Variants in CEP83 observed in about 807,000 individuals in gnomAD.
CEP83 encodes the protein centrosomal protein 83.
Under a neutral mutation model 101.9 loss-of-function variants are expected in CEP83, and 70 were observed. The observed-to-expected ratio is 0.69, with a 90% confidence interval of 0.57 to 0.84. CEP83 has a LOEUF of 0.84. Ranked by LOEUF, CEP83 falls within the 40% of genes least tolerant of loss-of-function variation. The pLI is 0.00. For synonymous variants in CEP83, 264 were observed against 267.9 expected (o/e 0.99, Z 0.14); for missense variants, 715 against 787.2 (o/e 0.91, Z 1.10).
intron 8 of CEP83, among the ~76,000 whole-genome samples, chr12:94,371,367 T>C (rs1006766655): frequency 6.6e-6 from 1 of 152,154 alleles, no homozygotes; most frequent in East Asian, 1.9e-4. Context: ...GTATAGACTG[T>C]GTCTGTGTGC....
the CEP83 span, chr12:94,282,419 C>T: frequency 5.1e-5 from 75 of 1,478,640 alleles, no homozygotes; most frequent in East Asian, 1.7e-3. Context: ...CAAGACTTGA[C>T]CCCGTGTCTC....
chr12:94,331,289 G>GAAAAAAAAAAAAA (rs568464808), intron 14 of CEP83, among the ~76,000 whole-genome samples: 41 of 43,806 alleles, frequency 9.4e-4, no homozygotes, highest in East Asian at 2.0e-3. Flanking sequence ...CAGACTCTCA[G>GAAAAAAAAAAAAA]AAAAAAAAAA....
In CEP83 at chr12:94,350,246, A is replaced by C. The variant is rs564114407; in HGVS notation, c.1344-14582T>G. On this transcript the variant is annotated intron_variant, in intron 11 of 16. Coordinates refer to ENST00000397809, the MANE Select transcript of CEP83 (RefSeq NM_016122.3). ...TTCCTTATTTCAAAATTTATTGCAA[A>C]GTTATAATAATCAAAATAGTGTGAC... Among the ~76,000 whole-genome samples, 8 of 152,336 alleles carry C rather than the reference A, an allele frequency of 5.3e-5. No homozygotes were observed. The South Asian group carries it at 1.4e-3, about 28-fold the overall frequency.
chr12:94,319,661 T>C (rs1032053293), intron 14 of CEP83, among the ~76,000 whole-genome samples: 2 of 152,228 alleles, frequency 1.3e-5, no homozygotes, highest in East Asian at 3.8e-4. Context: ...TTAACTTCCA[T>C]GTAAATGGTT....
chr12:94,355,417 C>G (rs924747606), intron 11 of CEP83, among the ~76,000 whole-genome samples: 1 of 151,986 alleles, frequency 6.6e-6, no homozygotes, highest in African/African-American at 2.4e-5. Flanking sequence ...GGCGTGAACC[C>G]AGGAGGCAGA....
chr12:94,393,307 A>G (rs1347830531), intron 6 of CEP83, among the ~76,000 whole-genome samples: 3 of 152,232 alleles, frequency 2.0e-5, no homozygotes, highest in Admixed American at 6.5e-5. Flanking sequence ...CCTGGGATGC[A>G]AGGCTGGTTC....
intron 1 of CEP83, among the ~76,000 whole-genome samples, chr12:94,450,677 C>A (rs2067186593): frequency 6.6e-6 from 1 of 152,140 alleles, no homozygotes; most frequent in South Asian, 2.1e-4. Flanking sequence ...GATTTGTACA[C>A]TGAAAAGTAA....
intron 2 of CEP83, chr12:94,423,855 G>A: frequency 2.5e-6 from 4 of 1,612,802 alleles, no homozygotes; most frequent in Middle Eastern, 1.7e-4. Context: ...GAAGGCACAG[G>A]GGTGTACTGG....
intron 1 of CEP83, among the ~76,000 whole-genome samples, chr12:94,448,489 T>C (rs1271903538): frequency 1.3e-5 from 2 of 152,054 alleles, no homozygotes; most frequent in Non-Finnish European, 2.9e-5. Context: ...TACAACCTTT[T>C]TACAAACACA....
downstream of CEP83, among the ~76,000 whole-genome samples, chr12:94,301,760 A>G (rs1437858017): frequency 6.6e-6 from 1 of 152,214 alleles, no homozygotes. Flanking sequence ...ACTCCCAGTC[A>G]TAATCTAAAC....
intron 7 of CEP83, among the ~76,000 whole-genome samples, chr12:94,378,499 C>A (rs895327418): frequency 3.9e-5 from 6 of 152,104 alleles, no homozygotes; most frequent in Non-Finnish European, 8.8e-5. Flanking sequence ...AACTCAAATA[C>A]ATATATTTTT....
Position 94,403,236 on chromosome 12 carries a change from C to T in CEP83, c.351G>A (p.Leu117=), listed in dbSNP as rs746639310. The T allele has an allele frequency of 1.3e-6, 2 of 1,565,966 alleles. No individual in the cohort carries two copies. Among genetic ancestry groups the T allele is most frequent in the Non-Finnish European group, 1.8e-6 (2 of 1,137,992 alleles). The part of the protein sequence containing the change: ...LQILTPQKLE[L]LRAQIQQELE... ...ATTCTTGTTGTATTTGGGCTCTTAGCAATTCCAATTTTTGTGGAGTTAATA... is the reference window on the plus strand; with the variant it reads ...ATTCTTGTTGTATTTGGGCTCTTAGTAATTCCAATTTTTGTGGAGTTAATA... The change falls in exon 5 of 17, where the codon TTG becomes TTA. Residue 117 remains leucine, a synonymous_variant. Transcript: ENST00000397809.
intron 6 of CEP83, among the ~76,000 whole-genome samples, chr12:94,383,407 A>C (rs1195659528): frequency 6.6e-6 from 1 of 152,062 alleles, no homozygotes; most frequent in Non-Finnish European, 1.5e-5. Context: ...TCAAGTTACA[A>C]CTTTTCAACT....
chr12:94,452,259 A>G (rs1045494635), intron 1 of CEP83, among the ~76,000 whole-genome samples: 2 of 152,184 alleles, frequency 1.3e-5, no homozygotes, highest in African/African-American at 4.8e-5. Context: ...TTGCCTTGTG[A>G]TGACAGTCGC....
chr12:94,444,708 C>T (rs966745161), intron 1 of CEP83, among the ~76,000 whole-genome samples: 4 of 151,994 alleles, frequency 2.6e-5, no homozygotes, highest in Non-Finnish European at 4.4e-5. Context: ...ATTAAAAAAG[C>T]AGGTCATGGC....
At chr12:94,280,718 T>G in the CEP83 span, among the ~76,000 whole-genome samples, 1 of 152,304 alleles carries the variant, frequency 6.6e-6, no homozygotes, top group South Asian at 2.1e-4. Context: ...GCTTCCTTGC[T>G]CTGAGCATAC....
chr12:94,329,094 TAAC>T, intron 14 of CEP83, among the ~76,000 whole-genome samples: 1 of 152,322 alleles, frequency 6.6e-6, no homozygotes, highest in Non-Finnish European at 1.5e-5. Context: ...GAATTGACCT[TAAC>T]AATTTCACTA....
In CEP83 at chr12:94,424,828, G is replaced by T. The variant is rs540538955; in HGVS notation, c.-102+10447C>A. The T allele has an allele frequency of 3.8e-6, 6 of 1,599,514 alleles. No individual in the cohort carries two copies. The African/African-American group carries it at 5.4e-5, about 14-fold the overall frequency. On this transcript the variant is annotated intron_variant, in intron 2 of 16. Transcript: ENST00000397809. ...TTTTGCTCAGCTGGTCATTTCCATT[G>T]CTTCCACTACTGCTGTTAGGTGTAC... is the stretch of plus-strand genomic sequence containing the variant.
chr12:94,453,549 T>C (rs2067412383), intron 1 of CEP83, among the ~76,000 whole-genome samples: 1 of 152,226 alleles, frequency 6.6e-6, no homozygotes. Context: ...GAGAATAAGG[T>C]GCTTGAGACT....
Sources: allele counts gnomAD v4.1 joint callset (sites outside exome capture counted in the v4.1 genomes callset), GRCh38; gene constraint gnomAD v4.1.1; transcripts MANE v1.5; gene names NCBI Gene and HGNC (gene_info 2026-07-23, HGNC 2026-07-21).